The following AUTS2 variants were observed in gnomAD, a reference collection of about 807,000 sequenced individuals.
The protein encoded by AUTS2 is activator of transcription and developmental regulator AUTS2.
In AUTS2, 17 loss-of-function variants were observed where a neutral mutation model predicts 112.4. That is an observed-to-expected ratio of 0.15 (90% confidence interval 0.10 to 0.23). The LOEUF is 0.23. Ranked by LOEUF, AUTS2 falls within the 10% of genes least tolerant of loss-of-function variation. The probability of loss-of-function intolerance (pLI) is 1.00; values close to 1 mark genes in which losing one functional copy is unlikely to be tolerated. For synonymous variants in AUTS2, 751 were observed against 702.7 expected (o/e 1.07, Z -1.09); for missense variants, 1,510 against 1,701.6 (o/e 0.89, Z 1.98).
At chr7:70,014,654 T>C (rs1799949833) in intron 2 of AUTS2, among the ~76,000 whole-genome samples, 2 of 152,276 alleles carry the variant, frequency 1.3e-5, no homozygotes, top group Non-Finnish European at 1.5e-5. Flanking sequence ...TCTAACACAC[T>C]GGTCCTGTGT....
chr7:69,809,475 G>A (rs1011100560), intron 1 of AUTS2, among the ~76,000 whole-genome samples: 9 of 152,142 alleles, frequency 5.9e-5, no homozygotes, highest in African/African-American at 2.2e-4. Context: ...TAAGAACGGA[G>A]GAAACATGTT....
intron 5 of AUTS2, among the ~76,000 whole-genome samples, chr7:70,616,255 A>C (rs1379572298): frequency 6.6e-6 from 1 of 152,220 alleles, no homozygotes; most frequent in Non-Finnish European, 1.5e-5. Context: ...CAGGGGTCTT[A>C]TCTCCTTCTG....
At chr7:70,213,890 C>A (rs1445488998) in intron 4 of AUTS2, among the ~76,000 whole-genome samples, 1 of 152,204 alleles carries the variant, frequency 6.6e-6, no homozygotes, top group Non-Finnish European at 1.5e-5. Context: ...TTGTAATTGT[C>A]GTACATACAA....
intron 6 of AUTS2, among the ~76,000 whole-genome samples, chr7:70,717,324 G>A (rs1810436736): frequency 6.6e-6 from 1 of 152,014 alleles, no homozygotes; most frequent in South Asian, 2.1e-4. Context: ...GGAACTACAG[G>A]CCTGTACCAC....
At chr7:70,192,173 T>C (rs1177374378) in intron 4 of AUTS2, among the ~76,000 whole-genome samples, 4 of 152,190 alleles carry the variant, frequency 2.6e-5, no homozygotes, top group Non-Finnish European at 4.4e-5. Context: ...ACTGGAATAA[T>C]GGTGAAAGTA....
At chr7:69,944,864 C>T (rs760947914) in intron 2 of AUTS2, among the ~76,000 whole-genome samples, 14 of 152,132 alleles carry the variant, frequency 9.2e-5, no homozygotes, top group Non-Finnish European at 2.1e-4. Flanking sequence ...AGCAAAGCAG[C>T]CTACTTTGAT....
intron 4 of AUTS2, among the ~76,000 whole-genome samples, chr7:70,138,542 C>T (rs202194055): frequency 1.3e-5 from 2 of 152,160 alleles, no homozygotes; most frequent in East Asian, 3.8e-4. Context: ...GTCTTAGAAC[C>T]ACAGCCTCAA....
intron 1 of AUTS2, among the ~76,000 whole-genome samples, chr7:69,746,911 G>A (rs1584179557): frequency 6.6e-6 from 1 of 152,300 alleles, no homozygotes; most frequent in South Asian, 2.1e-4. Context: ...TGCAGGTGTG[G>A]ACCTTGGATG....
At chr7:69,678,979 C>G (rs984958694) in intron 1 of AUTS2, among the ~76,000 whole-genome samples, 1 of 152,172 alleles carries the variant, frequency 6.6e-6, no homozygotes, top group African/African-American at 2.4e-5. Flanking sequence ...GAAGGCCTGT[C>G]TCTAGATTGG....
At chr7:70,178,414 C>A (rs1809111220) in intron 4 of AUTS2, among the ~76,000 whole-genome samples, 1 of 152,014 alleles carries the variant, frequency 6.6e-6, no homozygotes, top group South Asian at 2.1e-4. Flanking sequence ...GTTGAAATAA[C>A]AAGGATTTTT....
At chr7:69,756,718 CA>C (rs1341123720) in intron 1 of AUTS2, among the ~76,000 whole-genome samples, 1 of 151,894 alleles carries the variant, frequency 6.6e-6, no homozygotes, top group Non-Finnish European at 1.5e-5. Context: ...CAGTTTTTAT[CA>C]GAAAGCAGAG....
At chr7:70,156,026 G>A (rs914247452) in intron 4 of AUTS2, among the ~76,000 whole-genome samples, 4 of 152,050 alleles carry the variant, frequency 2.6e-5, no homozygotes, top group Admixed American at 2.6e-4. Flanking sequence ...GCTGACACGT[G>A]GGTAGTGCTG....
chr7:69,645,967 ATTTTTTT>A (rs751243685), intron 1 of AUTS2, among the ~76,000 whole-genome samples: 1 of 134,238 alleles, frequency 7.4e-6, no homozygotes, highest in South Asian at 2.4e-4. Flanking sequence ...AACGGTCTGG[ATTTTTTT>A]TTTTTTTTTT....
intron 5 of AUTS2, among the ~76,000 whole-genome samples, chr7:70,511,102 G>A (rs1305545611): frequency 6.6e-6 from 1 of 152,130 alleles, no homozygotes; most frequent in African/African-American, 2.4e-5. Context: ...GCCCGCCTCA[G>A]CCTCCCAAAG....
rs1179067890 is a variant in AUTS2 at position 69,846,555 on chromosome 7, A to G, written c.310-52731A>G. 2.6e-5 allele frequency among the ~76,000 whole-genome samples: 4 copies of G among 152,136 alleles called. No individual in the cohort carries two copies. In the East Asian group the frequency reaches 5.8e-4, roughly 22 times the overall value. The stretch of plus-strand genomic sequence containing the variant: ...CTAAGTGCTTTACAGGTATTGTTTC[A>G]TTTAATCCCCACAGCAACTTTCTTC... On this transcript the variant is annotated intron_variant, in intron 1 of 18. Coordinates refer to ENST00000342771, the MANE Select transcript of AUTS2 (RefSeq NM_015570.4).
intron 1 of AUTS2, among the ~76,000 whole-genome samples, chr7:69,649,936 T>G (rs1163532588): frequency 6.6e-6 from 1 of 152,124 alleles, no homozygotes; most frequent in Admixed American, 6.6e-5. Flanking sequence ...ATGAAGTCAT[T>G]TTTTTCCTAT....
At chr7:70,211,769 G>C (rs570419725) in intron 4 of AUTS2, among the ~76,000 whole-genome samples, 1 of 152,150 alleles carries the variant, frequency 6.6e-6, no homozygotes, top group South Asian at 2.1e-4. Flanking sequence ...GGTGGATCAC[G>C]AGGTCAGGAG....
At chr7:70,015,316 A>G (rs1436417086) in intron 2 of AUTS2, among the ~76,000 whole-genome samples, 2 of 152,178 alleles carry the variant, frequency 1.3e-5, no homozygotes, top group Admixed American at 6.5e-5. Context: ...ACATAATCTC[A>G]CTTAGTCCTC....
chr7:70,644,954 C>A (rs112901328), intron 5 of AUTS2, among the ~76,000 whole-genome samples: 1 of 152,158 alleles, frequency 6.6e-6, no homozygotes, highest in Non-Finnish European at 1.5e-5. Context: ...ACGCTGGTGG[C>A]TTTACTGTTG....
Sources: allele counts gnomAD v4.1 joint callset (sites outside exome capture counted in the v4.1 genomes callset), GRCh38; gene constraint gnomAD v4.1.1; transcripts MANE v1.5; gene names NCBI Gene and HGNC (gene_info 2026-07-23, HGNC 2026-07-21).